MTCL2: variants seen among roughly 807,000 people sequenced by gnomAD.
MTCL2 encodes the protein microtubule crosslinking factor 2.
the MTCL2 span, chr20:36,812,898 C>A: frequency 6.4e-7 from 1 of 1,567,014 alleles, no homozygotes; most frequent in East Asian, 2.3e-5. Context: ...GGGAGGGGCC[C>A]GAGGGGTGCC....
the MTCL2 span, among the ~76,000 whole-genome samples, chr20:36,847,135 C>T: frequency 5.3e-5 from 8 of 152,306 alleles, no homozygotes; most frequent in Non-Finnish European, 8.8e-5. Context: ...GTGCTGAAAA[C>T]GTTCCTGTTT....
At chr20:36,861,116 G>A in the MTCL2 span, among the ~76,000 whole-genome samples, 1 of 152,176 alleles carries the variant, frequency 6.6e-6, no homozygotes, top group African/African-American at 2.4e-5. Context: ...GCAGGGGTGA[G>A]GAACTCAGAG....
the MTCL2 span, among the ~76,000 whole-genome samples, chr20:36,807,428 G>A: frequency 6.6e-6 from 1 of 152,158 alleles, no homozygotes; most frequent in Non-Finnish European, 1.5e-5. Context: ...TAGACTCGAG[G>A]TACCTGAACC....
the MTCL2 span, among the ~76,000 whole-genome samples, chr20:36,834,585 C>A: frequency 6.6e-6 from 1 of 152,130 alleles, no homozygotes. Flanking sequence ...TACCCTCGCC[C>A]CCAGACTACT....
the MTCL2 span, among the ~76,000 whole-genome samples, chr20:36,841,871 T>TGGGG: frequency 4.7e-3 from 496 of 105,742 alleles, 6 homozygotes; most frequent in African/African-American, 0.011. Context: ...GGGTGGGGGG[T>TGGGG]GGGGTGTGTG....
the MTCL2 span, chr20:36,796,966 G>C: frequency 3.7e-6 from 6 of 1,613,464 alleles, no homozygotes; most frequent in Middle Eastern, 1.6e-4. Flanking sequence ...TCAAGGAAGA[G>C]AGACAGGAAG....
At chr20:36,812,563 C>T in the MTCL2 span, 1 of 1,096,468 alleles carries the variant, frequency 9.1e-7, no homozygotes, top group Non-Finnish European at 1.3e-6. Context: ...CTGGCCTTGG[C>T]TGCCAAGAAG....
the MTCL2 span, among the ~76,000 whole-genome samples, chr20:36,789,017 G>A: frequency 1.3e-5 from 2 of 152,054 alleles, no homozygotes; most frequent in Non-Finnish European, 2.9e-5. Flanking sequence ...CATTGGTCAG[G>A]CTGGTCTCAA....
At chr20:36,856,873 T>G in the MTCL2 span, among the ~76,000 whole-genome samples, 1 of 152,192 alleles carries the variant, frequency 6.6e-6, no homozygotes, top group Non-Finnish European at 1.5e-5. Flanking sequence ...CGCGCACGTG[T>G]GTGCGTGTGT....
chr20:36,841,877 GTGTGTGTGTGTGTGTGT>G, the MTCL2 span, among the ~76,000 whole-genome samples: 1 of 71,710 alleles, frequency 1.4e-5, no homozygotes, highest in African/African-American at 4.6e-5. Context: ...GGGGTGGGGT[GTGTGTGTGTGTGTGTGT>G]GTGTGTGTGT....
chr20:36,838,472 G>T, the MTCL2 span, among the ~76,000 whole-genome samples: 1 of 152,122 alleles, frequency 6.6e-6, no homozygotes. Context: ...GTGTGTGCCT[G>T]TAGTCCCAGC....
At chr20:36,829,860 G>C in the MTCL2 span, among the ~76,000 whole-genome samples, 8 of 151,962 alleles carry the variant, frequency 5.3e-5, no homozygotes, top group Non-Finnish European at 1.2e-4. Flanking sequence ...TTAGCCAGGC[G>C]TGGTGGCAGG....
the MTCL2 span, among the ~76,000 whole-genome samples, chr20:36,831,977 G>A: frequency 6.6e-6 from 1 of 152,220 alleles, no homozygotes; most frequent in African/African-American, 2.4e-5. Context: ...TTAGGCACTG[G>A]AGGCAGGAGT....
the MTCL2 span, chr20:36,810,059 C>T: frequency 6.3e-7 from 1 of 1,599,656 alleles, no homozygotes; most frequent in Non-Finnish European, 8.5e-7. Flanking sequence ...TCTTGCAAGC[C>T]CCGGAGGCTG....
chr20:36,788,870 G>A, the MTCL2 span, among the ~76,000 whole-genome samples: 2 of 147,876 alleles, frequency 1.4e-5, no homozygotes, highest in African/African-American at 2.5e-5. Context: ...GCAATGATGC[G>A]ATCTCAGCTC....
At chr20:36,785,815 C>A in the MTCL2 span, 1 of 985,552 alleles carries the variant, frequency 1.0e-6, no homozygotes, top group Non-Finnish European at 1.2e-6. Context: ...ACTTCGCCTC[C>A]CAGCTCTTGC....
chr20:36,800,293 G>T, the MTCL2 span, among the ~76,000 whole-genome samples: 1 of 152,186 alleles, frequency 6.6e-6, no homozygotes, highest in Non-Finnish European at 1.5e-5. Context: ...GAAACATTTT[G>T]TTGTTAATAT....
At chr20:36,815,550 G>A in the MTCL2 span, 3 of 1,572,242 alleles carry the variant, frequency 1.9e-6, no homozygotes, top group East Asian at 7.1e-5. This position sits in a 1 kb window ranked among gnomAD's most constrained non-coding sequence, Gnocchi z 5.3. Context: ...GCCCAGGGGA[G>A]CAGGCACACA....
chr20:36,777,456 CAT>C, the MTCL2 span: 2 of 225,436 alleles, frequency 8.9e-6, no homozygotes, highest in African/African-American at 2.3e-5. Flanking sequence ...GTTCATATGA[CAT>C]ACTTTATTTC....
Sources: gnomAD v4.1 joint callset for allele counts (sites outside exome capture counted in the v4.1 genomes callset) on GRCh38, gnomAD v4.1.1 for gene constraint, Gnocchi (gnomAD v3.1) non-coding constraint, MANE v1.5 for transcripts, NCBI Gene and HGNC (gene_info 2026-07-23, HGNC 2026-07-21) for gene names.